Variants in USP8 observed in about 807,000 individuals in gnomAD.
The protein encoded by USP8 is ubiquitin carboxyl-terminal hydrolase 8.
Under a neutral mutation model 130.0 loss-of-function variants are expected in USP8, and 27 were observed. The observed-to-expected ratio is 0.21, with a 90% CI of 0.15 to 0.29. The LOEUF is 0.29. Ranked by LOEUF, USP8 falls within the 10% of genes least tolerant of loss-of-function variation. The probability of loss-of-function intolerance (pLI) is 1.00; values close to 1 mark genes in which losing one functional copy is unlikely to be tolerated. For missense variants in USP8, 1,029 were observed against 1,312.2 expected (o/e 0.78, Z 3.33); for synonymous variants, 392 against 444.1 (o/e 0.88, Z 1.48).
intron 1 of USP8, among the ~76,000 whole-genome samples, chr15:50,435,609 G>C (rs529979210): frequency 1.1e-4 from 17 of 152,174 alleles, no homozygotes; most frequent in Non-Finnish European, 2.1e-4. Flanking sequence ...GCAGAAACGT[G>C]TGTGATTGTA....
rs2050656525 is a variant in USP8, at chr15:50,452,475, A to ATTTGTTC, written c.335+2991_335+2992insTTGTTCT. Among the ~76,000 whole-genome samples the ATTTGTTC allele has an allele frequency of 2.0e-5, 3 of 152,362 alleles. No homozygotes were observed. The South Asian group carries it at 6.2e-4, about 32-fold the overall frequency. On this transcript the variant is annotated intron_variant, in intron 4 of 19. Transcript: ENST00000307179. Reference sequence around the variant, plus strand: ...ATCCAAGGTAGGGGGTAAGGTGTGGATAAGAGAAGAAAATAGGAAAAAAGA... The same window carrying ATTTGTTC: ...ATCCAAGGTAGGGGGTAAGGTGTGGATTTGTTCTAAGAGAAGAAAATAGGAAAAAAGA...
At chr15:50,449,798 G>T (rs909184689) in intron 4 of USP8, among the ~76,000 whole-genome samples, 4 of 151,252 alleles carry the variant, frequency 2.6e-5, no homozygotes, top group Non-Finnish European at 5.9e-5. Flanking sequence ...AGCCAGGATG[G>T]TCTCGATCTC....
intron 1 of USP8, among the ~76,000 whole-genome samples, chr15:50,429,485 T>C (rs2049859084): frequency 6.6e-6 from 1 of 152,126 alleles, no homozygotes; most frequent in Non-Finnish European, 1.5e-5. Flanking sequence ...TTCATTCTTA[T>C]ATTGATGGTT....
At chr15:50,435,372 A>G (rs958297253) in intron 1 of USP8, among the ~76,000 whole-genome samples, 3 of 152,220 alleles carry the variant, frequency 2.0e-5, no homozygotes, top group African/African-American at 7.2e-5. Context: ...TGTTTATATA[A>G]CATTTACATT....
Position 50,503,803 on chromosome 15 carries a change from G to A in USP8, c.*4715G>A, listed in dbSNP as rs762747526. Reference sequence around the variant, plus strand: ...CAGACCTAACAGGATATCCACATATGAAACCCCAATGAAGTTGAGATCACA... The same window carrying A: ...CAGACCTAACAGGATATCCACATATAAAACCCCAATGAAGTTGAGATCACA... On this transcript the variant is annotated 3_prime_UTR_variant, in exon 20 of 20. Coordinates refer to ENST00000307179, the MANE Select transcript of USP8 (RefSeq NM_005154.5). The A allele has an allele frequency of 6.6e-6, 1 of 152,150 alleles. No homozygotes were observed. The highest frequency in any genetic ancestry group is 1.5e-5 in the Non-Finnish European group (1 of 68,030). The allele number at this position is 152,150 out of a possible 1,614,324, so 9.4% of individuals were successfully genotyped here.
chr15:50,438,200 T>G (rs2050145501), intron 1 of USP8, among the ~76,000 whole-genome samples: 1 of 152,238 alleles, frequency 6.6e-6, no homozygotes, highest in Non-Finnish European at 1.5e-5. Context: ...TGCTCCAAGT[T>G]GTACTTTACT....
Position 50,513,805 on chromosome 15 carries a change from AGTCATTGCT to A in USP8, c.*14719_*14727del, listed in dbSNP as rs2052771246. 6.6e-6 allele frequency: 1 copy of A among 152,252 alleles called. No individual in the cohort carries two copies. The highest frequency in any genetic ancestry group is 6.5e-5 in the Admixed American group (1 of 15,272). 9.4% of individuals were successfully genotyped at this position (152,252 alleles called of 1,614,324 possible). A position where few individuals can be genotyped will look rare whatever the true frequency, so the allele number is the denominator to read the frequency against. On this transcript the variant is annotated 3_prime_UTR_variant, in exon 20 of 20. Transcript: ENST00000307179. ...AGGATTTAAGGCAACTGAAACTTCCAGTCATTGCTGGTGGGGGTATGAATTGGTACAGTC... is the reference window on the plus strand; with the variant it reads ...AGGATTTAAGGCAACTGAAACTTCCAGGTGGGGGTATGAATTGGTACAGTC...
At chr15:50,447,567 T>G (rs2050483314) in intron 3 of USP8, among the ~76,000 whole-genome samples, 1 of 151,094 alleles carries the variant, frequency 6.6e-6, no homozygotes, top group Non-Finnish European at 1.5e-5. Flanking sequence ...TTTCTTTTCT[T>G]TTTTTCCCCT....
intron 16 of USP8, among the ~76,000 whole-genome samples, chr15:50,495,203 T>TAC (rs577089941): frequency 0.019 from 2,905 of 149,058 alleles, 48 homozygotes; most frequent in Admixed American, 0.031. Context: ...TATATATATA[T>TAC]ACACACACAC....
chr15:50,493,381 T>C (rs1257752495), intron 15 of USP8: 1 of 519,426 alleles, frequency 1.9e-6, no homozygotes. Flanking sequence ...AAGAACCCAT[T>C]TTACCTTTCA....
At chr15:50,432,132 G>C (rs2049952882) in intron 1 of USP8, among the ~76,000 whole-genome samples, 2 of 152,188 alleles carry the variant, frequency 1.3e-5, no homozygotes, top group South Asian at 4.1e-4. Context: ...AGCATTGTAG[G>C]ATTCACATGA....
rs777704018 is a variant in USP8, at chr15:50,505,839, C to T, written c.*6751C>T. The T allele has an allele frequency of 6.6e-6, 1 of 152,298 alleles. No homozygotes were observed. The highest frequency in any genetic ancestry group is 2.4e-5 in the African/African-American group (1 of 41,420). The allele number at this position is 152,298 out of a possible 1,614,324, so 9.4% of individuals were successfully genotyped here. On this transcript the variant is annotated 3_prime_UTR_variant, in exon 20 of 20. Transcript: ENST00000307179. ...CCATGCACAGTAGCATGCCTGTAGTCCCAGCTACTTGGCAGGCAGAGGCAG... is the reference window on the plus strand; with the variant it reads ...CCATGCACAGTAGCATGCCTGTAGTTCCAGCTACTTGGCAGGCAGAGGCAG...
At chr15:50,435,866 G>T (rs2050076966) in intron 1 of USP8, among the ~76,000 whole-genome samples, 1 of 152,146 alleles carries the variant, frequency 6.6e-6, no homozygotes, top group Admixed American at 6.6e-5. Context: ...AATCTTTGGT[G>T]ACATCGTAAT....
chr15:50,498,081 C>T (rs181472356), intron 18 of USP8, among the ~76,000 whole-genome samples: 10 of 152,058 alleles, frequency 6.6e-5, no homozygotes, highest in Non-Finnish European at 1.5e-4. Context: ...TGAATATTTT[C>T]AAAATTATGA....
chr15:50,495,017 TAAAAAAA>T (rs34381291), intron 16 of USP8, among the ~76,000 whole-genome samples: 10 of 113,534 alleles, frequency 8.8e-5, no homozygotes, highest in Non-Finnish European at 9.3e-5. Context: ...AGACTCTTTC[TAAAAAAA>T]AAAAAAAAAA....
intron 3 of USP8, among the ~76,000 whole-genome samples, chr15:50,443,640 C>T (rs113143102): frequency 0.032 from 4,870 of 152,032 alleles, 257 homozygotes; most frequent in African/African-American, 0.11. Context: ...TGCACCACCA[C>T]GTCCAGCTAA....
In USP8 at chr15:50,495,908, G is replaced by T; in HGVS notation, c.2719G>T (p.Ala907Ser). Reference sequence around the variant, plus strand: ...TGATCATCTCGATGACTTTAAAGCTGCAGAACATGCCTGGCAGAAACACAA... The same window carrying T: ...TGATCATCTCGATGACTTTAAAGCTTCAGAACATGCCTGGCAGAAACACAA... ...NNDHLDDFKA[A>S]EHAWQKHKQL... is the part of the protein sequence containing the mutation. Residue 907 changes from alanine (A) to serine (S), a missense_variant, in exon 17 of 20, where the codon GCA becomes TCA. By Grantham distance (99) the Ala-to-Ser change is moderately conservative. Transcript: ENST00000307179. 2 of 1,613,816 alleles carry T rather than the reference G, an allele frequency of 1.2e-6. No individual in the cohort carries two copies. Among genetic ancestry groups the T allele is most frequent in the Non-Finnish European group, 1.7e-6 (2 of 1,179,974 alleles).
chr15:50,480,766 A>G (rs1428286111), intron 10 of USP8, among the ~76,000 whole-genome samples: 2 of 152,038 alleles, frequency 1.3e-5, no homozygotes, highest in African/African-American at 4.8e-5. Flanking sequence ...TGGGTAGCAA[A>G]TCAAATTTGT....
rs1214748394 is a variant in USP8 at position 50,511,105 on chromosome 15, T to G, written c.*12017T>G. 2 of 152,194 alleles carry G rather than the reference T, an allele frequency of 1.3e-5. No individual in the cohort carries two copies. Among genetic ancestry groups the G allele is most frequent in the Non-Finnish European group, 2.9e-5 (2 of 68,028 alleles). The allele number at this position is 152,194 out of a possible 1,614,324, so 9.4% of individuals were successfully genotyped here. A position where few individuals can be genotyped will look rare whatever the true frequency, so the allele number is the denominator to read the frequency against. On this transcript the variant is annotated 3_prime_UTR_variant, in exon 20 of 20. Transcript: ENST00000307179. ...TGTACACCAATGTTCTCTGTACAAT[T>G]CTTTCAGATTTTCTGAATGTTTGCA...
Sources: gnomAD v4.1 joint callset for allele counts (sites outside exome capture counted in the v4.1 genomes callset) on GRCh38, gnomAD v4.1.1 for gene constraint, MANE v1.5 for transcripts, NCBI Gene and HGNC (gene_info 2026-07-23, HGNC 2026-07-21) for gene names.